NTM: variants seen among roughly 807,000 people sequenced by gnomAD.
The protein encoded by NTM is IgLON family member 2.
NTM carries 13 observed loss-of-function variants against 42.1 expected under a neutral mutation model. That is an observed-to-expected ratio of 0.31 (90% CI 0.20 to 0.49). The LOEUF (loss-of-function observed/expected upper bound fraction) is 0.49. Ranked by LOEUF, NTM falls within the 20% of genes least tolerant of loss-of-function variation. The probability of loss-of-function intolerance (pLI) is 0.99; values close to 1 mark genes in which losing one functional copy is unlikely to be tolerated. For missense variants in NTM, 373 were observed against 452.8 expected (o/e 0.82, Z 1.60); for synonymous variants, 187 against 179.2 (o/e 1.04, Z -0.35).
At chr11:132,334,822 A>T (rs946575451) in intron 8 of NTM, among the ~76,000 whole-genome samples, 7 of 151,216 alleles carry the variant, frequency 4.6e-5, no homozygotes, top group African/African-American at 1.7e-4. Context: ...CCTGAGCCTC[A>T]TGTTCTCTCC....
intron 4 of NTM, among the ~76,000 whole-genome samples, chr11:132,257,220 G>A (rs2092555205): frequency 6.6e-6 from 1 of 152,218 alleles, no homozygotes; most frequent in Non-Finnish European, 1.5e-5. Flanking sequence ...TCTGCTGAGA[G>A]GGCATGGAGG....
At chr11:131,597,133 C>T (rs995578862) in intron 1 of NTM, among the ~76,000 whole-genome samples, 1 of 152,204 alleles carries the variant, frequency 6.6e-6, no homozygotes, top group African/African-American at 2.4e-5. Context: ...TGGCAACGCC[C>T]TCACACACAC....
intron 2 of NTM, among the ~76,000 whole-genome samples, chr11:132,102,049 A>C (rs2061690575): frequency 2.6e-5 from 4 of 152,134 alleles, no homozygotes; most frequent in Admixed American, 2.6e-4. Flanking sequence ...TGCCTGCTTC[A>C]CGCCTCTAAG....
chr11:132,120,274 G>C (rs1416632718), intron 2 of NTM, among the ~76,000 whole-genome samples: 2 of 152,098 alleles, frequency 1.3e-5, no homozygotes, highest in Non-Finnish European at 2.9e-5. Context: ...TCAATATATG[G>C]GACCAAGATT....
At chr11:132,270,535 C>A (rs928472088) in intron 4 of NTM, among the ~76,000 whole-genome samples, 21 of 151,938 alleles carry the variant, frequency 1.4e-4, no homozygotes, top group Non-Finnish European at 1.9e-4. Context: ...GGTCAGAGAA[C>A]CATATTTTTA....
chr11:132,276,284 A>G (rs2093724775), intron 4 of NTM, among the ~76,000 whole-genome samples: 1 of 152,124 alleles, frequency 6.6e-6, no homozygotes, highest in Non-Finnish European at 1.5e-5. Context: ...TCTATTGTGA[A>G]TAATGCTGTA....
chr11:131,471,284 A>G (rs2136178950), intron 1 of NTM, among the ~76,000 whole-genome samples: 1 of 152,342 alleles, frequency 6.6e-6, no homozygotes, highest in East Asian at 1.9e-4. Context: ...TTCCCAAGGA[A>G]GTTTTCCTTG....
chr11:131,490,128 T>A (rs1374657649), intron 1 of NTM, among the ~76,000 whole-genome samples: 3 of 152,128 alleles, frequency 2.0e-5, no homozygotes, highest in African/African-American at 7.2e-5. Flanking sequence ...ATTCACTCAC[T>A]ACCGGGAGAA....
At chr11:131,946,239 C>CT (rs2060334074) in intron 2 of NTM, among the ~76,000 whole-genome samples, 1 of 152,114 alleles carries the variant, frequency 6.6e-6, no homozygotes, top group African/African-American at 2.4e-5. Context: ...CTGATGACTG[C>CT]TTCCTGCCTT....
intron 1 of NTM, among the ~76,000 whole-genome samples, chr11:131,870,368 A>G (rs1025809963): frequency 3.9e-5 from 6 of 152,218 alleles, no homozygotes; most frequent in African/African-American, 1.4e-4. Flanking sequence ...CTGAAGTTGT[A>G]TGTGTGCAAT....
intron 1 of NTM, among the ~76,000 whole-genome samples, chr11:131,686,683 G>A (rs933772058): frequency 3.3e-5 from 5 of 152,194 alleles, no homozygotes; most frequent in South Asian, 2.1e-4. Flanking sequence ...AGGGTCAACC[G>A]CATCTGGTTC....
In NTM at chr11:131,928,108, A is replaced by G. The variant is rs73580767; in HGVS notation, c.167+16460A>G. On this transcript the variant is annotated intron_variant, in intron 2 of 8. Coordinates refer to ENST00000683400, the MANE Select transcript of NTM (RefSeq NM_001352005.2). ...CCTACCTGACAGAGTTGTTACAAAA[A>G]TCATCACCATAATATTAATAATAAC... Among the ~76,000 whole-genome samples, 563 of 152,208 alleles carry G rather than the reference A, an allele frequency of 3.7e-3. 3 individuals carry two copies. Among genetic ancestry groups the G allele is most frequent in the African/African-American group, 0.013 (546 of 41,520 alleles).
At chr11:131,838,715 TAAAAC>T (rs370636639) in intron 1 of NTM, among the ~76,000 whole-genome samples, 4,512 of 69,758 alleles carry the variant, frequency 0.065, 205 homozygotes, top group African/African-American at 0.19. Flanking sequence ...ACTGGATAGA[TAAAAC>T]AAAGGGGGTT....
rs540397932 is a variant in NTM, at chr11:131,420,041, C to T, written c.82+49153C>T. On this transcript the variant is annotated intron_variant, in intron 1 of 8. Coordinates refer to ENST00000683400, the MANE Select transcript of NTM (RefSeq NM_001352005.2). ...GTGTCCTCCTCTCACGTAGCAATTGCTCAATGGCGTTTCACGAGTGATGGT... is the reference window on the plus strand; with the variant it reads ...GTGTCCTCCTCTCACGTAGCAATTGTTCAATGGCGTTTCACGAGTGATGGT... Among the ~76,000 whole-genome samples the T allele has an allele frequency of 4.6e-5, 7 of 152,266 alleles. No individual in the cohort carries two copies. In the South Asian group the frequency reaches 1.5e-3, roughly 32 times the overall value.
At chr11:131,420,401 G>A (rs184402201) in intron 1 of NTM, among the ~76,000 whole-genome samples, 45 of 152,296 alleles carry the variant, frequency 3.0e-4, no homozygotes, top group Admixed American at 7.2e-4. Flanking sequence ...AACCAGCTCC[G>A]CAGCACCTTG....
chr11:131,458,847 T>C (rs75053741), intron 1 of NTM, among the ~76,000 whole-genome samples: 9,221 of 152,280 alleles, frequency 0.061, 641 homozygotes, highest in East Asian at 0.21. Context: ...TGGGTTCCAC[T>C]CAAGAGCTTG....
chr11:132,182,762 A>G (rs4357699), intron 3 of NTM, among the ~76,000 whole-genome samples: 120,711 of 152,200 alleles, frequency 0.79, 48,187 homozygotes, highest in African/African-American at 0.84. Flanking sequence ...AATAAAATCC[A>G]AAGTCTTTAA....
At chr11:131,900,305 G>A (rs1009817441) in intron 1 of NTM, among the ~76,000 whole-genome samples, 7 of 152,244 alleles carry the variant, frequency 4.6e-5, no homozygotes, top group Non-Finnish European at 7.3e-5. Flanking sequence ...AAGGGAAGAA[G>A]AAGTAGTTGC....
At chr11:131,693,762 T>A (rs2075085928) in intron 1 of NTM, among the ~76,000 whole-genome samples, 1 of 152,192 alleles carries the variant, frequency 6.6e-6, no homozygotes, top group Admixed American at 6.5e-5. Flanking sequence ...GGGTATCTTT[T>A]CAATGAGCTG....
Sources: allele counts gnomAD v4.1 joint callset (sites outside exome capture counted in the v4.1 genomes callset), GRCh38; gene constraint gnomAD v4.1.1; transcripts MANE v1.5; gene names NCBI Gene and HGNC (gene_info 2026-07-23, HGNC 2026-07-21).